The following SHISA9 variants were observed in gnomAD, a reference collection of about 807,000 sequenced individuals.
The protein encoded by SHISA9 is protein shisa-9.
In SHISA9, 13 loss-of-function variants were observed where a neutral mutation model predicts 38.0. The ratio of observed to expected loss-of-function variants is 0.34; its 90% confidence interval spans 0.22 to 0.54. The LOEUF is 0.54. Ranked by LOEUF, SHISA9 falls within the 20% of genes least tolerant of loss-of-function variation. The pLI is 0.91. For synonymous variants in SHISA9, 275 were observed against 242.0 expected (o/e 1.14, Z -1.27); for missense variants, 538 against 575.8 (o/e 0.93, Z 0.67).
intron 2 of SHISA9, among the ~76,000 whole-genome samples, chr16:13,011,471 TCTC>T (rs2072674016): frequency 6.6e-6 from 1 of 152,096 alleles, no homozygotes; most frequent in Admixed American, 6.6e-5. Flanking sequence ...TTTACCCACA[TCTC>T]CTCATTTCCT....
At chr16:13,400,385 T>C in the SHISA9 span, among the ~76,000 whole-genome samples, 1 of 151,332 alleles carries the variant, frequency 6.6e-6, no homozygotes, top group Non-Finnish European at 1.5e-5. Context: ...CACACACACA[T>C]ATTTCCTAGA....
chr16:13,521,552 C>A, the SHISA9 span, among the ~76,000 whole-genome samples: 10 of 152,154 alleles, frequency 6.6e-5, no homozygotes, highest in African/African-American at 2.4e-4. Context: ...CCTGGGGAGG[C>A]TTAAGAAATG....
At chr16:13,478,656 T>A in the SHISA9 span, among the ~76,000 whole-genome samples, 1 of 152,232 alleles carries the variant, frequency 6.6e-6, no homozygotes, top group Non-Finnish European at 1.5e-5. Flanking sequence ...CCAAACATAT[T>A]CCATAAACCT....
chr16:13,369,234 A>G, the SHISA9 span, among the ~76,000 whole-genome samples: 1 of 152,166 alleles, frequency 6.6e-6, no homozygotes, highest in East Asian at 1.9e-4. Flanking sequence ...CATTGTGGAT[A>G]AGATGAGTGC....
At chr16:13,515,436 T>A in the SHISA9 span, among the ~76,000 whole-genome samples, 93 of 152,228 alleles carry the variant, frequency 6.1e-4, no homozygotes, top group African/African-American at 2.1e-3. Flanking sequence ...AAAATGTAAT[T>A]GACATTTTAA....
chr16:13,419,300 G>C, the SHISA9 span, among the ~76,000 whole-genome samples: 2 of 152,220 alleles, frequency 1.3e-5, no homozygotes, highest in Non-Finnish European at 2.9e-5. Flanking sequence ...CTGAGAGATG[G>C]AAAGAACAGC....
intron 2 of SHISA9, among the ~76,000 whole-genome samples, chr16:12,934,899 G>A (rs765630061): frequency 1.3e-5 from 2 of 152,134 alleles, no homozygotes; most frequent in Non-Finnish European, 2.9e-5. Flanking sequence ...GAAGAATATG[G>A]GTTGGCTCAT....
intron 2 of SHISA9, among the ~76,000 whole-genome samples, chr16:13,190,458 T>C (rs1428267414): frequency 6.6e-6 from 1 of 152,228 alleles, no homozygotes; most frequent in African/African-American, 2.4e-5. Flanking sequence ...ATGATGCTAC[T>C]TCAAATCAAA....
chr16:13,494,714 CTAAA>C, the SHISA9 span, among the ~76,000 whole-genome samples: 1 of 151,946 alleles, frequency 6.6e-6, no homozygotes, highest in African/African-American at 2.4e-5. Flanking sequence ...TTTTCAGAAA[CTAAA>C]TAATGACGTA....
chr16:13,100,507 C>T (rs1246232426), intron 2 of SHISA9, among the ~76,000 whole-genome samples: 1 of 152,008 alleles, frequency 6.6e-6, no homozygotes, highest in Non-Finnish European at 1.5e-5. Context: ...CCTTTTTGCT[C>T]CTATTACCTT....
the SHISA9 span, among the ~76,000 whole-genome samples, chr16:13,470,990 ACAAT>A: frequency 6.6e-6 from 1 of 152,008 alleles, no homozygotes; most frequent in Non-Finnish European, 1.5e-5. Flanking sequence ...AGGAGGAAAG[ACAAT>A]CAAAGTGTAT....
At chr16:13,273,657 G>A in the SHISA9 span, among the ~76,000 whole-genome samples, 2 of 152,100 alleles carry the variant, frequency 1.3e-5, no homozygotes, top group African/African-American at 2.4e-5. Flanking sequence ...GCTTGAGAAC[G>A]GACTAATACA....
At chr16:13,021,885 G>A (rs1490357750) in intron 2 of SHISA9, among the ~76,000 whole-genome samples, 2 of 152,158 alleles carry the variant, frequency 1.3e-5, no homozygotes, top group Non-Finnish European at 2.9e-5. Context: ...GTGTCCTAGG[G>A]CTGCCGTAAC....
chr16:12,999,830 C>G (rs118065873), intron 2 of SHISA9, among the ~76,000 whole-genome samples: 2,096 of 152,294 alleles, frequency 0.014, 13 homozygotes, highest in South Asian at 0.027. Flanking sequence ...CTGCTTCCCG[C>G]AATGCCCTTT....
At chr16:13,094,432 C>G (rs4780503) in intron 2 of SHISA9, among the ~76,000 whole-genome samples, 59,943 of 151,862 alleles carry the variant, frequency 0.39, 13,183 homozygotes, top group African/African-American at 0.57. Context: ...TATTTTAATA[C>G]ATCTTGTTTA....
the SHISA9 span, among the ~76,000 whole-genome samples, chr16:13,499,125 C>T: frequency 3.3e-5 from 5 of 152,328 alleles, no homozygotes; most frequent in South Asian, 1.0e-3. Flanking sequence ...CCCACCTATG[C>T]AGCATCCTCT....
At chr16:13,159,017 G>A (rs1221526918) in intron 2 of SHISA9, among the ~76,000 whole-genome samples, 4 of 148,802 alleles carry the variant, frequency 2.7e-5, no homozygotes, top group Admixed American at 6.7e-5. Context: ...CTGAAATTGC[G>A]CCACTACACT....
the SHISA9 span, among the ~76,000 whole-genome samples, chr16:13,385,298 C>G: frequency 6.6e-6 from 1 of 152,216 alleles, no homozygotes; most frequent in Non-Finnish European, 1.5e-5. Flanking sequence ...TTGGGCATAT[C>G]TGCCAGAGAA....
chr16:13,043,984 T>A (rs2073160622), intron 2 of SHISA9, among the ~76,000 whole-genome samples: 1 of 152,214 alleles, frequency 6.6e-6, no homozygotes, highest in Non-Finnish European at 1.5e-5. Flanking sequence ...TTATTTCTCT[T>A]TGTATCACTT....
Sources: allele counts gnomAD v4.1 joint callset (sites outside exome capture counted in the v4.1 genomes callset), GRCh38; gene constraint gnomAD v4.1.1; transcripts MANE v1.5; gene names NCBI Gene and HGNC (gene_info 2026-07-23, HGNC 2026-07-21).